Variants in CARMIL1 observed in about 807,000 individuals in gnomAD.
CARMIL1 encodes the protein F-actin-uncapping protein LRRC16A.
A neutral mutation model predicts 177.1 loss-of-function variants in CARMIL1; 90 were observed. The observed-to-expected ratio is 0.51, with a 90% CI of 0.43 to 0.61. The LOEUF (loss-of-function observed/expected upper bound fraction) is 0.61, where lower values mean the gene tolerates loss of function less well. Ranked by LOEUF, CARMIL1 falls within the 20% of genes least tolerant of loss-of-function variation. The pLI, the probability that CARMIL1 is intolerant of heterozygous loss-of-function variation, is 0.00. For missense variants in CARMIL1, 1,380 were observed against 1,667.0 expected (o/e 0.83, Z 3.00); for synonymous variants, 577 against 606.2 (o/e 0.95, Z 0.71).
In CARMIL1 at chr6:25,459,210, TTTTCTTTCTTTCTTTC is replaced by T. The variant is rs5875042; in HGVS notation, c.615-6619_615-6604del. On this transcript the variant is annotated intron_variant, in intron 8 of 36. Coordinates refer to ENST00000329474, the MANE Select transcript of CARMIL1 (RefSeq NM_017640.6). ...TGACATAGAAATAAGGATCCCAACT[TTTTCTTTCTTTCTTTC>T]TTTCTTTCTTTCTTTCTTTCTTTCT... Among the ~76,000 whole-genome samples, 257 of 80,178 alleles carry T rather than the reference TTTTCTTTCTTTCTTTC, an allele frequency of 3.2e-3. 2 individuals are homozygous for T. Among genetic ancestry groups the T allele is most frequent in the African/African-American group, 9.7e-3 (219 of 22,560 alleles). The allele number at this position is 80,178 out of a possible 152,430, so 52.6% of individuals were successfully genotyped here.
chr6:25,418,015 A>AG (rs1795511720), intron 2 of CARMIL1, among the ~76,000 whole-genome samples: 1 of 152,218 alleles, frequency 6.6e-6, no homozygotes, highest in African/African-American at 2.4e-5. Flanking sequence ...CAGGGGCTAG[A>AG]GCACAAGGAG....
At chr6:25,319,557 G>A (rs1784527200) in intron 2 of CARMIL1, among the ~76,000 whole-genome samples, 1 of 151,996 alleles carries the variant, frequency 6.6e-6, no homozygotes, top group Non-Finnish European at 1.5e-5. Context: ...CACACAGAGA[G>A]TTATATGTTT....
chr6:25,332,557 A>T (rs908667278), intron 2 of CARMIL1, among the ~76,000 whole-genome samples: 5 of 152,124 alleles, frequency 3.3e-5, no homozygotes, highest in African/African-American at 4.8e-5. Flanking sequence ...TAGGTATGTG[A>T]TACTGACTTT....
At chr6:25,480,729 C>CTTTTTTT (rs1309021528) in intron 11 of CARMIL1, among the ~76,000 whole-genome samples, 8 of 112,748 alleles carry the variant, frequency 7.1e-5, no homozygotes, top group Admixed American at 9.3e-5. Context: ...TATTTGTTTC[C>CTTTTTTT]TTTTTTTTTT....
chr6:25,396,226 C>A (rs1204196042), intron 2 of CARMIL1, among the ~76,000 whole-genome samples: 2 of 151,874 alleles, frequency 1.3e-5, no homozygotes, highest in African/African-American at 4.8e-5. Context: ...ATAAATACAT[C>A]TAAATTTAAT....
At chr6:25,436,738 T>A (rs1208879072) in intron 5 of CARMIL1, among the ~76,000 whole-genome samples, 6 of 152,196 alleles carry the variant, frequency 3.9e-5, no homozygotes, top group Non-Finnish European at 8.8e-5. Flanking sequence ...TGCTGGTTGT[T>A]CACCTTGGGC....
At chr6:25,419,764 G>A (rs759381011) in intron 2 of CARMIL1, among the ~76,000 whole-genome samples, 1 of 152,088 alleles carries the variant, frequency 6.6e-6, no homozygotes, top group Non-Finnish European at 1.5e-5. Context: ...CATTAAGTTT[G>A]CTGTTGATAT....
At chr6:25,301,363 G>T (rs1782847061) in intron 2 of CARMIL1, among the ~76,000 whole-genome samples, 1 of 152,146 alleles carries the variant, frequency 6.6e-6, no homozygotes, top group Admixed American at 6.5e-5. Flanking sequence ...CTTTGGAAAG[G>T]GTGACTTTTA....
intron 2 of CARMIL1, among the ~76,000 whole-genome samples, chr6:25,301,340 C>T (rs1782844668): frequency 7.3e-6 from 1 of 136,822 alleles, no homozygotes; most frequent in Admixed American, 7.5e-5. Flanking sequence ...GGTGACAGAG[C>T]ACAGGATGGC....
rs1235313086 is a variant in CARMIL1, at chr6:25,279,481, A to G, written c.-315A>G. On this transcript the variant is annotated 5_prime_UTR_variant, in exon 1 of 37. Transcript: ENST00000329474. ...CGCCGGGGACCAGCGAGCCGGGAGGAGGAGCAGGCGCCACAGCCGCCCCGC... is the reference window on the plus strand; with the variant it reads ...CGCCGGGGACCAGCGAGCCGGGAGGGGGAGCAGGCGCCACAGCCGCCCCGC... 4.4e-6 allele frequency: 2 copies of G among 454,440 alleles called. No individual in the cohort carries two copies. Among genetic ancestry groups the G allele is most frequent in the Non-Finnish European group, 8.0e-6 (2 of 250,464 alleles). 28.2% of individuals were successfully genotyped at this position (454,440 alleles called of 1,614,324 possible).
At chr6:25,514,702 A>G (rs1263221116) in intron 20 of CARMIL1, among the ~76,000 whole-genome samples, 1 of 152,148 alleles carries the variant, frequency 6.6e-6, no homozygotes, top group African/African-American at 2.4e-5. Context: ...TGAGAGGATC[A>G]CTTGAGCCTG....
chr6:25,613,306 C>A (rs767059406), intron 36 of CARMIL1, among the ~76,000 whole-genome samples: 7 of 152,212 alleles, frequency 4.6e-5, no homozygotes, highest in Non-Finnish European at 8.8e-5. Flanking sequence ...TAATATCTTA[C>A]ACTCTTTCAG....
rs753335238 is a variant in CARMIL1 at position 25,426,556 on chromosome 6, C to T, written c.245C>T (p.Ala82Val). Reference sequence around the variant, plus strand: ...CATGGCGTCGTTTGCAGCAAGTCAGCTCAGGTGAGTGTGAAAAATGGATCA... The same window carrying T: ...CATGGCGTCGTTTGCAGCAAGTCAGTTCAGGTGAGTGTGAAAAATGGATCA... ...EIHGVVCSKS[A>V]QMIVETEKCS... The change falls in exon 4 of 37, where the codon GCT (alanine) becomes GTT (valine). Residue 82 changes from alanine to valine, a missense_variant. Physicochemically the swap from Ala to Val is moderately conservative, Grantham distance 64. Transcript: ENST00000329474. 1.1e-5 allele frequency: 18 copies of T among 1,611,542 alleles called. No individual in the cohort carries two copies. Among genetic ancestry groups the T allele is most frequent in the Admixed American group, 3.3e-5 (2 of 59,844 alleles).
At position 25,342,337 on chromosome 6, in the gene CARMIL1, A is replaced by C. The variant is rs188501517; in HGVS notation, c.138+57428A>C. Among the ~76,000 whole-genome samples the C allele has an allele frequency of 2.2e-4, 34 of 152,270 alleles. No homozygotes were observed. The East Asian group carries it at 6.0e-3, about 27-fold the overall frequency. ...GGGAGTGACTTTCCCTAAGCCACTGAGCTGTTTGGTGACCAAGGCAGGCTG... is the reference window on the plus strand; with the variant it reads ...GGGAGTGACTTTCCCTAAGCCACTGCGCTGTTTGGTGACCAAGGCAGGCTG... On this transcript the variant is annotated intron_variant, in intron 2 of 36. Transcript: ENST00000329474.
chr6:25,348,578 T>TCCAGA (rs1424105156), intron 2 of CARMIL1, among the ~76,000 whole-genome samples: 1 of 150,858 alleles, frequency 6.6e-6, no homozygotes, highest in Non-Finnish European at 1.5e-5. Flanking sequence ...GGTCAGGAGA[T>TCCAGA]CCAGACCATC....
chr6:25,578,373 G>A (rs775484516), intron 29 of CARMIL1, among the ~76,000 whole-genome samples: 1 of 152,100 alleles, frequency 6.6e-6, no homozygotes, highest in Non-Finnish European at 1.5e-5. Flanking sequence ...AGGGGAGGAG[G>A]AAGGAGCGCA....
intron 29 of CARMIL1, among the ~76,000 whole-genome samples, chr6:25,566,796 C>T (rs1394011008): frequency 2.0e-5 from 3 of 152,336 alleles, no homozygotes; most frequent in South Asian, 4.1e-4. Context: ...ACTGGAATTA[C>T]ATGTTATTGA....
chr6:25,484,791 GTT>G (rs1211651735), intron 12 of CARMIL1, among the ~76,000 whole-genome samples: 1 of 152,088 alleles, frequency 6.6e-6, no homozygotes, highest in Non-Finnish European at 1.5e-5. Flanking sequence ...TTTTAAAAAA[GTT>G]TATATGACTT....
Position 25,301,457 on chromosome 6 carries a change from C to T in CARMIL1, c.138+16548C>T, listed in dbSNP as rs74986764. ...TAGAAGGCCCAACTGGGCAGCTGCT[C>T]ATAGGGGTTCCTGTTTTGTACTTCC... On this transcript the variant is annotated intron_variant, in intron 2 of 36. Coordinates refer to ENST00000329474, the MANE Select transcript of CARMIL1 (RefSeq NM_017640.6). Among the ~76,000 whole-genome samples, 650 of 152,296 alleles carry T rather than the reference C, an allele frequency of 4.3e-3. 7 individuals are homozygous for T. Among genetic ancestry groups the T allele is most frequent in the African/African-American group, 0.014 (596 of 41,576 alleles).
Sources: allele counts gnomAD v4.1 joint callset (sites outside exome capture counted in the v4.1 genomes callset), GRCh38; gene constraint gnomAD v4.1.1; transcripts MANE v1.5; gene names NCBI Gene and HGNC (gene_info 2026-07-23, HGNC 2026-07-21).